Variants in SSU72L2 observed in about 807,000 individuals in gnomAD.
The protein encoded by SSU72L2 is RNA polymerase II subunit A C-terminal domain phosphatase SSU72 like protein 2.
the SSU72L2 span, chr11:4,242,706 G>C: frequency 3.0e-5 from 17 of 571,018 alleles, no homozygotes; most frequent in Non-Finnish European, 5.3e-5. Context: ...CGGAGCCGAG[G>C]AGACGACCAC....
At chr11:4,242,480 A>G in the SSU72L2 span, 3,047 of 776,516 alleles carry the variant, frequency 3.9e-3, 2 homozygotes, top group South Asian at 0.011. Flanking sequence ...AAAATCATAA[A>G]CTACAGGACG....
chr11:4,241,704 C>T, the SSU72L2 span, among the ~76,000 whole-genome samples: 78 of 146,216 alleles, frequency 5.3e-4, no homozygotes, highest in African/African-American at 1.9e-3. Flanking sequence ...TGCTGAATAC[C>T]CTTAAACAAA....
chr11:4,242,425 A>G, the SSU72L2 span: 60,530 of 774,784 alleles, frequency 0.078, 26 homozygotes, highest in African/African-American at 0.18. Context: ...AGCATTCTCT[A>G]TCTTTCCTGA....
At chr11:4,241,717 A>T in the SSU72L2 span, among the ~76,000 whole-genome samples, 5 of 146,730 alleles carry the variant, frequency 3.4e-5, no homozygotes, top group Admixed American at 3.4e-4. Context: ...TAAACAAATC[A>T]TTTTTCAAGC....
chr11:4,242,682 C>T, the SSU72L2 span: 14 of 577,680 alleles, frequency 2.4e-5, no homozygotes, highest in East Asian at 5.7e-5. Context: ...GGCACCTCAG[C>T]TGCTGCAGGG....
At chr11:4,241,766 C>A in the SSU72L2 span, among the ~76,000 whole-genome samples, 1 of 149,012 alleles carries the variant, frequency 6.7e-6, no homozygotes, top group Non-Finnish European at 1.5e-5. Flanking sequence ...TGGAAAATGG[C>A]GTCATGGTGG....
At chr11:4,241,924 A>C in the SSU72L2 span, 4 of 538,738 alleles carry the variant, frequency 7.4e-6, no homozygotes, top group Non-Finnish European at 9.7e-6. Flanking sequence ...GTCTCTTTCC[A>C]GGTGATGTGT....
chr11:4,241,997 G>A, the SSU72L2 span: 13 of 606,542 alleles, frequency 2.1e-5, no homozygotes, highest in Non-Finnish European at 3.5e-5. Context: ...CAATAAATCC[G>A]GACTAAAGTC....
the SSU72L2 span, chr11:4,242,697 G>C: frequency 1.8e-6 from 1 of 567,098 alleles, no homozygotes; most frequent in Non-Finnish European, 3.1e-6. Flanking sequence ...GCAGGGTCTC[G>C]GAGCCGAGGA....
At chr11:4,242,045 A>T in the SSU72L2 span, 1 of 610,698 alleles carries the variant, frequency 1.6e-6, no homozygotes, top group Non-Finnish European at 2.9e-6. Flanking sequence ...GGACAAAGCC[A>T]GCCCAGATGT....
At chr11:4,242,011 T>C in the SSU72L2 span, 1 of 614,078 alleles carries the variant, frequency 1.6e-6, no homozygotes, top group Non-Finnish European at 2.9e-6. Context: ...TAAAGTCCCA[T>C]GTCTAAGTTC....
At chr11:4,241,704 C>A in the SSU72L2 span, among the ~76,000 whole-genome samples, 5 of 146,312 alleles carry the variant, frequency 3.4e-5, no homozygotes, top group African/African-American at 1.0e-4. Context: ...TGCTGAATAC[C>A]CTTAAACAAA....
At chr11:4,242,669 A>T in the SSU72L2 span, 1 of 579,332 alleles carries the variant, frequency 1.7e-6, no homozygotes, top group Non-Finnish European at 3.1e-6. Flanking sequence ...CCAGAGAGAC[A>T]CAGGCACCTC....
the SSU72L2 span, chr11:4,242,656 G>A: frequency 6.9e-6 from 4 of 579,664 alleles, no homozygotes; most frequent in Non-Finnish European, 1.2e-5. Context: ...CGGCCACTGG[G>A]AACCAGAGAG....
At chr11:4,242,033 G>C in the SSU72L2 span, 1 of 610,142 alleles carries the variant, frequency 1.6e-6, no homozygotes, top group African/African-American at 1.9e-5. Context: ...TACTGAGGAA[G>C]GGGACAAAGC....
chr11:4,241,675 C>A, the SSU72L2 span, among the ~76,000 whole-genome samples: 1 of 145,894 alleles, frequency 6.9e-6, no homozygotes. Context: ...AGGTGCTTAT[C>A]TATACAATGT....
the SSU72L2 span, chr11:4,241,952 A>C: frequency 3.4e-6 from 2 of 581,026 alleles, no homozygotes; most frequent in Non-Finnish European, 6.1e-6. Flanking sequence ...TAACACAAAC[A>C]GTACTCAGTG....
the SSU72L2 span, chr11:4,242,051 G>A: frequency 1.6e-6 from 1 of 608,930 alleles, no homozygotes; most frequent in Non-Finnish European, 2.9e-6. Context: ...AGCCAGCCCA[G>A]ATGTTCAGTA....
chr11:4,241,879 C>T, the SSU72L2 span, among the ~76,000 whole-genome samples: 5 of 149,020 alleles, frequency 3.4e-5, no homozygotes, highest in African/African-American at 1.2e-4. Flanking sequence ...AATGTTAGTC[C>T]TTCTCATTTC....
Sources: gnomAD v4.1 joint callset for allele counts (sites outside exome capture counted in the v4.1 genomes callset) on GRCh38, gnomAD v4.1.1 for gene constraint, MANE v1.5 for transcripts, NCBI Gene and HGNC (gene_info 2026-07-23, HGNC 2026-07-21) for gene names.